The following ISOC1 variants were observed in gnomAD, a reference collection of about 807,000 sequenced individuals.
The protein encoded by ISOC1 is isochorismatase domain-containing protein 1.
ISOC1 carries 33 observed loss-of-function variants against 30.0 expected under a neutral mutation model. That is an observed-to-expected ratio of 1.10 (90% CI 0.83 to 1.47). ISOC1 has a LOEUF of 1.47. Ranked by LOEUF, ISOC1 falls within the 40% of genes most tolerant of loss-of-function variation. The pLI, the probability that ISOC1 is intolerant of heterozygous loss-of-function variation, is 0.00. For synonymous variants in ISOC1, 178 were observed against 159.8 expected (o/e 1.11, Z -0.86); for missense variants, 372 against 388.0 (o/e 0.96, Z 0.35).
intron 1 of ISOC1, among the ~76,000 whole-genome samples, chr5:129,095,972 T>C (rs1267596620): frequency 6.6e-6 from 1 of 152,248 alleles, no homozygotes; most frequent in African/African-American, 2.4e-5. Flanking sequence ...GCTGAGAAAC[T>C]GATAAGTCAT....
At chr5:129,104,846 G>T in intron 1 of ISOC1, 110 bp from the exon 2 acceptor site, 10 of 1,013,262 alleles carry the variant, frequency 9.9e-6, no homozygotes, top group South Asian at 3.7e-5. Flanking sequence ...GGTAGAAATT[G>T]ACTTACTGGC....
At chr5:129,101,821 T>A (rs963792459) in intron 1 of ISOC1, among the ~76,000 whole-genome samples, 1 of 152,228 alleles carries the variant, frequency 6.6e-6, no homozygotes, top group African/African-American at 2.4e-5. Context: ...CTTTGGCTCC[T>A]CTAGTCTATA....
intron 1 of ISOC1, among the ~76,000 whole-genome samples, chr5:129,095,861 G>A (rs1323358056): frequency 5.3e-5 from 8 of 152,052 alleles, no homozygotes; most frequent in Non-Finnish European, 1.2e-4. Context: ...TTAATCTTCC[G>A]CCCTCTTTAG....
chr5:129,112,626 TCC>T (rs1753722810), intron 4 of ISOC1, among the ~76,000 whole-genome samples: 1 of 152,068 alleles, frequency 6.6e-6, no homozygotes, highest in African/African-American at 2.4e-5. Context: ...GGCTACCTGT[TCC>T]CTTTTACTCG....
At chr5:129,110,828 C>T (rs1474918001) in intron 4 of ISOC1, among the ~76,000 whole-genome samples, 1 of 152,144 alleles carries the variant, frequency 6.6e-6, no homozygotes, top group Non-Finnish European at 1.5e-5. Context: ...CGAGAACTAA[C>T]CTTTATTGGC....
At chr5:129,104,272 A>G (rs948409858) in intron 1 of ISOC1, among the ~76,000 whole-genome samples, 1 of 152,110 alleles carries the variant, frequency 6.6e-6, no homozygotes, top group Admixed American at 6.5e-5. Context: ...TTCTGTCTTG[A>G]TGATAGCAGT....
Position 129,094,856 on chromosome 5 carries a change from C to G in ISOC1, c.90C>G (p.Phe30Leu), listed in dbSNP as rs1753472694. 6.3e-7 allele frequency: 1 copy of G among 1,580,288 alleles called. No individual in the cohort carries two copies. Among genetic ancestry groups the G allele is most frequent in the Admixed American group, 1.8e-5 (1 of 54,354 alleles). Residue 30 changes from phenylalanine (F) to leucine (L), a missense_variant, in exon 1 of 5, where the codon TTC becomes TTG. Physicochemically the swap from Phe to Leu is conservative, Grantham distance 22. Transcript: ENST00000173527. ...CGTCGGGCACAGTCCCGGTGCTCTTCTGTTTCTCAGTCTTCGCGCGACCCT... is the reference window on the plus strand; with the variant it reads ...CGTCGGGCACAGTCCCGGTGCTCTTGTGTTTCTCAGTCTTCGCGCGACCCT... ...GAPSGTVPVL[F>L]CFSVFARPSS...
chr5:129,113,280 A>G lies in ISOC1; in HGVS notation c.*279A>G, dbSNP rs532364836. 1.2e-4 allele frequency: 33 copies of G among 283,886 alleles called. No homozygotes were observed. The highest frequency in any genetic ancestry group is 2.4e-4 in the Admixed American group (5 of 20,942). The allele number at this position is 283,886 out of a possible 1,614,324, so 17.6% of individuals were successfully genotyped here. Reference sequence around the variant, plus strand: ...CAATGAAGATGCCTGTTTTGTCTCTACTGTGTACTCTGATCGTATCTTTCC... The same window carrying G: ...CAATGAAGATGCCTGTTTTGTCTCTGCTGTGTACTCTGATCGTATCTTTCC... On this transcript the variant is annotated 3_prime_UTR_variant, in exon 5 of 5. Transcript: ENST00000173527.
At chr5:129,096,449 G>C (rs1227556173) in intron 1 of ISOC1, among the ~76,000 whole-genome samples, 2 of 152,062 alleles carry the variant, frequency 1.3e-5, no homozygotes, top group Non-Finnish European at 2.9e-5. Context: ...CTTTAGCTTC[G>C]ATAAAGTTCC....
At chr5:129,112,385 A>G (rs1753718480) in intron 4 of ISOC1, among the ~76,000 whole-genome samples, 1 of 152,180 alleles carries the variant, frequency 6.6e-6, no homozygotes, top group South Asian at 2.1e-4. Context: ...AATAGAAATA[A>G]AAGTTTAATA....
At chr5:129,112,438 A>C (rs1412519814) in intron 4 of ISOC1, among the ~76,000 whole-genome samples, 1 of 152,212 alleles carries the variant, frequency 6.6e-6, no homozygotes, top group Non-Finnish European at 1.5e-5. Flanking sequence ...TCAATGAATG[A>C]GTAAGACATG....
chr5:129,104,673 T>G (rs1217480500), intron 1 of ISOC1, among the ~76,000 whole-genome samples: 1 of 152,112 alleles, frequency 6.6e-6, no homozygotes, highest in African/African-American at 2.4e-5. Context: ...GTTTTTTAAT[T>G]GGCTAAAAAA....
chr5:129,113,755 A>G lies in ISOC1; in HGVS notation c.*754A>G, dbSNP rs1239610031. ...ATATCTTTACCAACATCTTGAATAT[A>G]TATTCTAGTGTCCACAAGATTTAGC... On this transcript the variant is annotated 3_prime_UTR_variant, in exon 5 of 5. Coordinates refer to ENST00000173527, the MANE Select transcript of ISOC1 (RefSeq NM_016048.2). 6.6e-6 allele frequency: 1 copy of G among 152,150 alleles called. No individual in the cohort carries two copies. Among genetic ancestry groups the G allele is most frequent in the Non-Finnish European group, 1.5e-5 (1 of 68,010 alleles). The allele number at this position is 152,150 out of a possible 1,614,324, so 9.4% of individuals were successfully genotyped here. A position where few individuals can be genotyped will look rare whatever the true frequency, so the allele number is the denominator to read the frequency against.
At chr5:129,101,192 A>AATATATATATATATATATATATATAT (rs1554064628) in intron 1 of ISOC1, among the ~76,000 whole-genome samples, 20 of 42,224 alleles carry the variant, frequency 4.7e-4, no homozygotes, top group African/African-American at 3.7e-3. Context: ...AAAAAAAAAA[A>AATATATATATATATATATATATATAT]ATATATATAT....
chr5:129,099,207 A>G (rs1753543198), intron 1 of ISOC1, among the ~76,000 whole-genome samples: 1 of 152,072 alleles, frequency 6.6e-6, no homozygotes, highest in Non-Finnish European at 1.5e-5. Flanking sequence ...TGAATTTTGA[A>G]TTTTTTTTCT....
Position 129,113,057 on chromosome 5 carries a change from T to C in ISOC1, c.*56T>C, listed in dbSNP as rs1052656437. The C allele has an allele frequency of 2.0e-6, 3 of 1,504,482 alleles. No individual in the cohort carries two copies. Among genetic ancestry groups the C allele is most frequent in the East Asian group, 2.3e-5 (1 of 43,666 alleles). The allele number at this position is 1,504,482 out of a possible 1,614,324, so 93.2% of individuals were successfully genotyped here. On this transcript the variant is annotated 3_prime_UTR_variant, in exon 5 of 5. Transcript: ENST00000173527. Reference sequence around the variant, plus strand: ...GGTGAAGGACAGTCAGGTGAAGGACTGTAAGCCCACACAAGCTCTTCTTAT... The same window carrying C: ...GGTGAAGGACAGTCAGGTGAAGGACCGTAAGCCCACACAAGCTCTTCTTAT...
At position 129,095,082 on chromosome 5, in the gene ISOC1, C is replaced by G. The variant is rs777990676; in HGVS notation, c.309+7C>G. The stretch of plus-strand genomic sequence containing the variant: ...CGTGCCGTTGCAGATCCAGGTGGGT[C>G]CTGCGGGAGGCCGCGCGCTTCCCTG... On this transcript the variant is annotated splice_region_variant and intron_variant, in intron 1 of 4. Coordinates refer to ENST00000173527, the MANE Select transcript of ISOC1 (RefSeq NM_016048.2). 4 of 1,546,782 alleles carry G rather than the reference C, an allele frequency of 2.6e-6. No homozygotes were observed. The highest frequency in any genetic ancestry group is 3.5e-6 in the Non-Finnish European group (4 of 1,151,104).
At chr5:129,111,687 T>C (rs1341772642) in intron 4 of ISOC1, among the ~76,000 whole-genome samples, 1 of 152,194 alleles carries the variant, frequency 6.6e-6, no homozygotes, top group African/African-American at 2.4e-5. Flanking sequence ...ATAGAATTCT[T>C]CTATTTTCCT....
rs1554064627 is a variant in ISOC1, at chr5:129,101,192, A to AAATATAT, written c.310-3763_310-3762insATATATA. Reference sequence around the variant, plus strand: ...AAAAAAAAAAAAAAAAAAAAAAAAAAATATATATATATATATGGTTGGGTT... The same window carrying AAATATAT: ...AAAAAAAAAAAAAAAAAAAAAAAAAAAATATATATATATATATATATATGGTTGGGTT... On this transcript the variant is annotated intron_variant, in intron 1 of 4. Coordinates refer to ENST00000173527, the MANE Select transcript of ISOC1 (RefSeq NM_016048.2). 1.7e-3 allele frequency among the ~76,000 whole-genome samples: 70 copies of AAATATAT among 42,188 alleles called. 1 individual carries two copies. Among genetic ancestry groups the AAATATAT allele is most frequent in the Non-Finnish European group, 2.2e-3 (62 of 27,756 alleles). The allele number at this position is 42,188 out of a possible 152,430, so 27.7% of individuals were successfully genotyped here.
Sources: gnomAD v4.1 joint callset for allele counts (sites outside exome capture counted in the v4.1 genomes callset) on GRCh38, gnomAD v4.1.1 for gene constraint, MANE v1.5 for transcripts, NCBI Gene and HGNC (gene_info 2026-07-23, HGNC 2026-07-21) for gene names.